Variants in ZMYM2 observed in about 807,000 individuals in gnomAD.
ZMYM2 encodes zinc finger MYM-type protein 2.
In ZMYM2, 56 loss-of-function variants were observed where a neutral mutation model predicts 162.8. That is an observed-to-expected ratio of 0.34 (90% CI 0.28 to 0.43). The LOEUF (loss-of-function observed/expected upper bound fraction) is 0.43. Among genes scored for constraint, ZMYM2 ranks in the 20% least tolerant of loss-of-function variants. ZMYM2 has a pLI of 1.00. For missense variants in ZMYM2, 1,275 were observed against 1,621.8 expected (o/e 0.79, Z 3.67); for synonymous variants, 510 against 541.6 (o/e 0.94, Z 0.81).
At chr13:20,024,063 T>C (rs1385243384) in intron 7 of ZMYM2, among the ~76,000 whole-genome samples, 1 of 152,016 alleles carries the variant, frequency 6.6e-6, no homozygotes, top group East Asian at 1.9e-4. Context: ...GCCTCTTGAA[T>C]AGCTGGGACT....
the ZMYM2 span, among the ~76,000 whole-genome samples, chr13:19,925,838 T>C: frequency 4.2e-5 from 6 of 142,006 alleles, no homozygotes; most frequent in Non-Finnish European, 7.5e-5. Flanking sequence ...GCCTCTGCAC[T>C]CCAACCCAGG....
intron 2 of ZMYM2, among the ~76,000 whole-genome samples, chr13:19,991,124 T>TGTGTGTGTGTGTGTGTGTGTG: frequency 2.0e-5 from 3 of 150,762 alleles, no homozygotes; most frequent in Admixed American, 6.7e-5. Flanking sequence ...TACGTATGTG[T>TGTGTGTGTGTGTGTGTGTGTG]TTTCTTTTGA....
At chr13:20,073,308 T>C (rs920578196) in intron 21 of ZMYM2, among the ~76,000 whole-genome samples, 1 of 152,138 alleles carries the variant, frequency 6.6e-6, no homozygotes, top group African/African-American at 2.4e-5. Flanking sequence ...GAGGTAAAAA[T>C]TTAGACTGTA....
intron 21 of ZMYM2, among the ~76,000 whole-genome samples, chr13:20,081,068 G>A (rs926899912): frequency 3.3e-5 from 5 of 152,136 alleles, no homozygotes; most frequent in African/African-American, 1.2e-4. Flanking sequence ...ATTAAAATCT[G>A]TTATCCTTCT....
the ZMYM2 span, among the ~76,000 whole-genome samples, chr13:19,884,741 G>A: frequency 2.6e-5 from 4 of 152,004 alleles, no homozygotes; most frequent in Non-Finnish European, 5.9e-5. Flanking sequence ...AAACTCTCGC[G>A]ATAAATGTTA....
chr13:20,002,426 A>G (rs556091737), intron 3 of ZMYM2, among the ~76,000 whole-genome samples: 26 of 152,344 alleles, frequency 1.7e-4, no homozygotes, highest in African/African-American at 6.0e-4. Context: ...AGTAAGGCAC[A>G]GTTTAAGTAG....
At chr13:20,078,039 G>A (rs1403763908) in intron 21 of ZMYM2, among the ~76,000 whole-genome samples, 3 of 151,932 alleles carry the variant, frequency 2.0e-5, no homozygotes, top group East Asian at 1.9e-4. Context: ...GGATGGTCTC[G>A]ATCTCCTGAC....
the ZMYM2 span, among the ~76,000 whole-genome samples, chr13:19,890,999 T>C: frequency 6.6e-6 from 1 of 151,966 alleles, no homozygotes; most frequent in Non-Finnish European, 1.5e-5. Flanking sequence ...TACTACTTTG[T>C]AAAATTGGAG....
At chr13:20,052,137 T>A (rs372367788) in intron 13 of ZMYM2, 140 bp from the exon 14 acceptor site, 67 of 681,340 alleles carry the variant, frequency 9.8e-5, no homozygotes, top group Middle Eastern at 4.2e-4. Context: ...TTATACAAAT[T>A]TGAAATTCTT....
At chr13:20,000,161 C>G (rs1352218786) in intron 3 of ZMYM2, among the ~76,000 whole-genome samples, 2 of 152,182 alleles carry the variant, frequency 1.3e-5, no homozygotes, top group East Asian at 3.8e-4. Flanking sequence ...ATCAAACCAA[C>G]TATGACATTT....
At chr13:20,056,680 G>T (rs971905493) in intron 14 of ZMYM2, among the ~76,000 whole-genome samples, 1 of 152,118 alleles carries the variant, frequency 6.6e-6, no homozygotes, top group Non-Finnish European at 1.5e-5. Context: ...AGGTGTTAAA[G>T]AAATTATAAA....
chr13:20,031,263 C>A, intron 9 of ZMYM2, 56 bp from the exon 10 acceptor site: 2 of 1,247,112 alleles, frequency 1.6e-6, no homozygotes, highest in South Asian at 1.4e-5. Flanking sequence ...ACAGTAATCA[C>A]AAATAGAAAT....
chr13:20,012,154 A>G (rs2140067723), intron 6 of ZMYM2, among the ~76,000 whole-genome samples: 1 of 150,234 alleles, frequency 6.7e-6, no homozygotes, highest in African/African-American at 2.4e-5. Context: ...CCAAAGTGTG[A>G]AATTACAGGC....
At chr13:19,874,391 TA>T in the ZMYM2 span, among the ~76,000 whole-genome samples, 1 of 151,950 alleles carries the variant, frequency 6.6e-6, no homozygotes, top group African/African-American at 2.4e-5. Flanking sequence ...AGCTAATATT[TA>T]TTTATGTATT....
chr13:19,870,400 A>G, the ZMYM2 span, among the ~76,000 whole-genome samples: 1 of 152,036 alleles, frequency 6.6e-6, no homozygotes, highest in Non-Finnish European at 1.5e-5. Context: ...GGCTTCCCAA[A>G]GTGCTGGGAT....
chr13:19,973,997 G>A (rs113552436), intron 2 of ZMYM2, among the ~76,000 whole-genome samples: 4,537 of 152,298 alleles, frequency 0.03, 93 homozygotes, highest in Non-Finnish European at 0.048. Context: ...ACTTTAAATG[G>A]AAAGATGTGC....
chr13:19,987,707 C>T (rs1222737674), intron 2 of ZMYM2, among the ~76,000 whole-genome samples: 1 of 149,516 alleles, frequency 6.7e-6, no homozygotes, highest in African/African-American at 2.5e-5. Context: ...TCTCGAACTC[C>T]TGAGCTCAGA....
chr13:19,970,505 A>G (rs979696873), intron 2 of ZMYM2, among the ~76,000 whole-genome samples: 1 of 151,772 alleles, frequency 6.6e-6, no homozygotes, highest in Non-Finnish European at 1.5e-5. Context: ...TTAACAGGGA[A>G]ATGGGCTTGG....
chr13:20,081,815 G>A (rs1419539010), intron 21 of ZMYM2, among the ~76,000 whole-genome samples: 1 of 151,886 alleles, frequency 6.6e-6, no homozygotes, highest in Non-Finnish European at 1.5e-5. Context: ...TCAGCTTTGA[G>A]TGTTTCAAGC....
Sources: gnomAD v4.1 joint callset for allele counts (sites outside exome capture counted in the v4.1 genomes callset) on GRCh38, gnomAD v4.1.1 for gene constraint, MANE v1.5 for transcripts, NCBI Gene and HGNC (gene_info 2026-07-23, HGNC 2026-07-21) for gene names.